The following PCDHA13 variants were observed in gnomAD, a reference collection of about 807,000 sequenced individuals.
PCDHA13 encodes the protein protocadherin alpha-13.
Under a neutral mutation model 64.8 loss-of-function variants are expected in PCDHA13, and 54 were observed. That is an observed-to-expected ratio of 0.83 (90% confidence interval 0.67 to 1.04). PCDHA13 has a LOEUF of 1.04. PCDHA13 is among the 50% of genes least tolerant of loss of function. The pLI is 0.00. For synonymous variants in PCDHA13, 587 were observed against 564.4 expected (o/e 1.04, Z -0.57); for missense variants, 1,248 against 1,254.3 (o/e 0.99, Z 0.08).
intron 1 of PCDHA13, among the ~76,000 whole-genome samples, chr5:140,896,320 C>G (rs1583228292): frequency 6.6e-6 from 1 of 152,182 alleles, no homozygotes; most frequent in Non-Finnish European, 1.5e-5. Context: ...CTGCTTTCCA[C>G]AGTGGCTAAA....
intron 1 of PCDHA13, among the ~76,000 whole-genome samples, chr5:140,886,239 TAAATA>T (rs2060905359): frequency 6.6e-6 from 1 of 152,062 alleles, no homozygotes; most frequent in African/African-American, 2.4e-5. Context: ...ACTTCAGAAA[TAAATA>T]AAAGTATCTC....
intron 1 of PCDHA13, chr5:140,928,010 G>A: frequency 1.2e-6 from 2 of 1,614,168 alleles, no homozygotes; most frequent in Non-Finnish European, 1.7e-6. Context: ...GATTCTAATG[G>A]TAGGGTCATT....
In PCDHA13 at chr5:140,884,244, T is replaced by C; in HGVS notation, c.1976T>C (p.Leu659Pro). The C allele has an allele frequency of 6.2e-7, 1 of 1,613,386 alleles. No homozygotes were observed. The highest frequency in any genetic ancestry group is 8.5e-7 in the Non-Finnish European group (1 of 1,179,694). The change falls in exon 1 of 4, where the codon CTG becomes CCG. Residue 659 changes from leucine to proline, a missense_variant. Leu to Pro is a moderately conservative substitution (Grantham distance 98). Transcript: ENST00000289272. ...GTGAAGGACCACGGTGAGCCCGCGC[T>C]GACGGCCACGGCAACGGTGCTGTTG... ...VLVKDHGEPALTATATVLLSL... is the reference protein window; with the variant it reads ...VLVKDHGEPAPTATATVLLSL...
At chr5:140,999,419 G>A (rs2097856786) in intron 3 of PCDHA13, among the ~76,000 whole-genome samples, 1 of 152,182 alleles carries the variant, frequency 6.6e-6, no homozygotes, top group Non-Finnish European at 1.5e-5. Flanking sequence ...TGGGAGCTAA[G>A]AGGCCAAGTA....
intron 1 of PCDHA13, among the ~76,000 whole-genome samples, chr5:140,899,462 T>C (rs2067338282): frequency 6.6e-6 from 1 of 152,366 alleles, no homozygotes; most frequent in Admixed American, 6.5e-5. Context: ...GTGGTTTTTG[T>C]CTTTGGTTCT....
At chr5:140,969,514 G>T (rs2096339995) in intron 1 of PCDHA13, 3 of 1,414,044 alleles carry the variant, frequency 2.1e-6, no homozygotes, top group Admixed American at 2.8e-5. Flanking sequence ...TAGCACTAAA[G>T]AATTGTTTTA....
In PCDHA13 at chr5:140,884,380, C is replaced by T. The variant is rs1281344307; in HGVS notation, c.2112C>T (p.Ile704=). 6.2e-7 allele frequency: 1 copy of T among 1,613,980 alleles called. No homozygotes were observed. The highest frequency in any genetic ancestry group is 8.5e-7 in the Non-Finnish European group (1 of 1,179,882). Reference sequence around the variant, plus strand: ...TCAATGTTTACTTGATCATTGCCATCTGCGCGGTGTCCAGCCTGTTGGTGC... The same window carrying T: ...TCAATGTTTACTTGATCATTGCCATTTGCGCGGTGTCCAGCCTGTTGGTGC... ...VDVNVYLIIA[I]CAVSSLLVLT... is the part of the protein sequence containing the mutation. The change falls in exon 1 of 4, where the codon ATC becomes ATT. Residue 704 remains isoleucine, a synonymous_variant. Transcript: ENST00000289272.
At chr5:140,906,643 G>A (rs1049197869) in intron 1 of PCDHA13, among the ~76,000 whole-genome samples, 14 of 152,222 alleles carry the variant, frequency 9.2e-5, no homozygotes, top group South Asian at 4.1e-4. Context: ...TCAGCAGGTA[G>A]TGGTTTTTTC....
chr5:140,966,541 G>C (rs2096018356), intron 1 of PCDHA13: 3 of 462,844 alleles, frequency 6.5e-6, no homozygotes, highest in African/African-American at 2.0e-5. Context: ...TGAGCGACTC[G>C]GAGGCGAGCG....
At chr5:140,979,051 G>C in intron 2 of PCDHA13, 44 bp downstream of exon 2, 1 of 1,609,534 alleles carries the variant, frequency 6.2e-7, no homozygotes, top group East Asian at 2.2e-5. Flanking sequence ...ACCTTAACTT[G>C]GTATGGCTCA....
chr5:140,917,948 A>G (rs1382859222), intron 1 of PCDHA13, among the ~76,000 whole-genome samples: 2 of 151,868 alleles, frequency 1.3e-5, no homozygotes, highest in Admixed American at 1.3e-4. Flanking sequence ...TGGTAGTTTG[A>G]TAGGAACATC....
chr5:141,009,233 T>C (rs2098403082), intron 3 of PCDHA13, among the ~76,000 whole-genome samples: 1 of 152,184 alleles, frequency 6.6e-6, no homozygotes, highest in Non-Finnish European at 1.5e-5. Context: ...GGTGGGAGGA[T>C]CTCTTGAGCT....
In PCDHA13 at chr5:141,002,220, G is replaced by GC. The variant is rs1319895049; in HGVS notation, c.2543-7407_2543-7406insC. ...AGTCCCCGGCTTTAATCAAAATGAT[G>GC]GGTTTTCTGGAAGCTCTTTATTAAC... On this transcript the variant is annotated intron_variant, in intron 3 of 3. Coordinates refer to ENST00000289272, the MANE Select transcript of PCDHA13 (RefSeq NM_018904.3). Among the ~76,000 whole-genome samples, 33 of 152,196 alleles carry GC rather than the reference G, an allele frequency of 2.2e-4. 1 individual carries two copies. Among genetic ancestry groups the GC allele is most frequent in the Admixed American group, 1.0e-3 (16 of 15,274 alleles).
chr5:140,911,907 C>T (rs926309943), intron 1 of PCDHA13, among the ~76,000 whole-genome samples: 2 of 152,110 alleles, frequency 1.3e-5, no homozygotes, highest in Admixed American at 6.6e-5. Flanking sequence ...AGTCAGAGCT[C>T]TCTAGAGGAC....
At position 141,007,395 on chromosome 5, in the gene PCDHA13, CAAAA is replaced by C. The variant is rs35800918; in HGVS notation, c.2543-2212_2543-2209del. Among the ~76,000 whole-genome samples the C allele has an allele frequency of 1.2e-3, 116 of 94,838 alleles. No homozygotes were observed. In the Middle Eastern group the frequency reaches 0.016, roughly 13 times the overall value. 62.2% of individuals were successfully genotyped at this position (94,838 alleles called of 152,430 possible). ...ATGGAACACCATCTCTACTAAAATA[CAAAA>C]AAAAAAAAAAAAAAAAAAATTAGCC... is the stretch of plus-strand genomic sequence containing the variant. On this transcript the variant is annotated intron_variant, in intron 3 of 3. Coordinates refer to ENST00000289272, the MANE Select transcript of PCDHA13 (RefSeq NM_018904.3).
chr5:140,924,647 C>G (rs1396293249), intron 1 of PCDHA13, among the ~76,000 whole-genome samples: 1 of 152,132 alleles, frequency 6.6e-6, no homozygotes, highest in East Asian at 1.9e-4. Context: ...GTAATCCCAG[C>G]ACTTTGGGAG....
At chr5:140,954,237 A>G (rs1442141242) in intron 1 of PCDHA13, among the ~76,000 whole-genome samples, 14 of 152,338 alleles carry the variant, frequency 9.2e-5, no homozygotes, top group Middle Eastern at 3.4e-3. Flanking sequence ...TAGTGCTGCA[A>G]TGAACATACA....
At position 140,903,272 on chromosome 5, in the gene PCDHA13, G is replaced by A. The variant is rs907509606; in HGVS notation, c.2394+18610G>A. Among the ~76,000 whole-genome samples the A allele has an allele frequency of 2.6e-5, 4 of 152,138 alleles. No individual in the cohort carries two copies. The East Asian group carries it at 5.8e-4, about 22-fold the overall frequency. ...TAGTAATTCTTGCAGGAGTGAGGTA[G>A]TGTCTCATTGTGCATTAGGAAATTT... On this transcript the variant is annotated intron_variant, in intron 1 of 3. Transcript: ENST00000289272.
At position 141,010,190 on chromosome 5, in the gene PCDHA13, CCTTT is replaced by C. The variant is rs763940360; in HGVS notation, c.*256_*259del. On this transcript the variant is annotated 3_prime_UTR_variant, in exon 4 of 4. Coordinates refer to ENST00000289272, the MANE Select transcript of PCDHA13 (RefSeq NM_018904.3). ...GAACCTAAAAAGCAGACCCAAGTTT[CCTTT>C]CTCCTCCGCCGCAAAGGAGAGGCTT... 6.4e-7 allele frequency: 1 copy of C among 1,552,504 alleles called. No individual in the cohort carries two copies. Among genetic ancestry groups the C allele is most frequent in the Non-Finnish European group, 8.7e-7 (1 of 1,147,234 alleles).
Sources: gnomAD v4.1 joint callset for allele counts (sites outside exome capture counted in the v4.1 genomes callset) on GRCh38, gnomAD v4.1.1 for gene constraint, MANE v1.5 for transcripts, NCBI Gene and HGNC (gene_info 2026-07-23, HGNC 2026-07-21) for gene names.